The following CHD6 variants were observed in gnomAD, a reference collection of about 807,000 sequenced individuals.
CHD6 encodes the protein ATP-dependent chromatin remodeler CHD6.
A neutral mutation model predicts 276.9 loss-of-function variants in CHD6; 50 were observed. That is an observed-to-expected ratio of 0.18 (90% CI 0.14 to 0.23). The LOEUF is 0.23. CHD6 is among the 10% of genes least tolerant of loss of function. CHD6 has a pLI of 1.00. For synonymous variants in CHD6, 1,173 were observed against 1,229.3 expected (o/e 0.95, Z 0.96); for missense variants, 2,564 against 3,365.8 (o/e 0.76, Z 5.89).
intron 34 of CHD6, 151 bp from the exon 35 acceptor site, chr20:41,413,666 C>T (rs41308727): frequency 0.04 from 23,238 of 582,736 alleles, 561 homozygotes; most frequent in Middle Eastern, 0.058. Context: ...ACCCTACACA[C>T]ACCACTGACC....
intron 17 of CHD6, among the ~76,000 whole-genome samples, chr20:41,458,013 CATT>C (rs1372190828): frequency 6.6e-6 from 1 of 152,146 alleles, no homozygotes; most frequent in East Asian, 1.9e-4. Context: ...ATATTATTAT[CATT>C]GTCACACTTA....
At chr20:41,585,779 CCAAAGA>C (rs2045588178) in intron 1 of CHD6, among the ~76,000 whole-genome samples, 1 of 152,114 alleles carries the variant, frequency 6.6e-6, no homozygotes, top group Non-Finnish European at 1.5e-5. Context: ...AAACCATCAA[CCAAAGA>C]CAAAGATCAA....
At chr20:41,480,857 T>C (rs978900923) in intron 16 of CHD6, among the ~76,000 whole-genome samples, 13 of 152,112 alleles carry the variant, frequency 8.5e-5, no homozygotes, top group Admixed American at 2.0e-4. Context: ...CATACAACTT[T>C]AATGAAAATA....
rs1600949199 is a variant in CHD6 at position 41,473,196 on chromosome 20, A to T, written c.2664+126T>A. 3 of 830,934 alleles carry T rather than the reference A, an allele frequency of 3.6e-6. 1 individual carries two copies. 51.5% of individuals were successfully genotyped at this position (830,934 alleles called of 1,614,324 possible). On this transcript the variant is annotated intron_variant, in intron 17 of 36. Transcript: ENST00000373233. The surrounding 1 kb of genome is among the most constrained non-coding windows in gnomAD (Gnocchi z 4.1). The stretch of plus-strand genomic sequence containing the variant: ...AGTTTCACCCCCTGACCAAGGCCCT[A>T]AGCCTGTCATCCAGCTGACACCATA...
chr20:41,411,851 A>G (rs1445046246), intron 36 of CHD6, among the ~76,000 whole-genome samples: 3 of 152,234 alleles, frequency 2.0e-5, no homozygotes, highest in Non-Finnish European at 2.9e-5. Context: ...CTTTCCCCTC[A>G]TAACTCTACA....
At chr20:41,449,989 G>A (rs886600738) in intron 23 of CHD6, among the ~76,000 whole-genome samples, 4 of 152,138 alleles carry the variant, frequency 2.6e-5, no homozygotes, top group Non-Finnish European at 5.9e-5. Context: ...ACAACACTTT[G>A]AGTGCTTACT....
chr20:41,483,284 T>C, intron 16 of CHD6, 25 bp downstream of exon 16: 2 of 1,581,752 alleles, frequency 1.3e-6, no homozygotes, highest in Non-Finnish European at 1.7e-6. Flanking sequence ...CATTGTTGAA[T>C]GCAGAGCTTT....
chr20:41,545,622 T>C (rs1032767771), intron 2 of CHD6, among the ~76,000 whole-genome samples: 1 of 152,232 alleles, frequency 6.6e-6, no homozygotes, highest in African/African-American at 2.4e-5. Flanking sequence ...TTATGGATCA[T>C]GATTTAGTGA....
intron 26 of CHD6, among the ~76,000 whole-genome samples, chr20:41,437,749 G>T (rs2047760384): frequency 6.6e-6 from 1 of 152,164 alleles, no homozygotes; most frequent in African/African-American, 2.4e-5. Context: ...TTGGCCCTCT[G>T]GATCTGAGAG....
At chr20:41,595,738 A>C (rs186125071) in intron 1 of CHD6, among the ~76,000 whole-genome samples, 28 of 152,276 alleles carry the variant, frequency 1.8e-4, no homozygotes, top group Non-Finnish European at 3.2e-4. Context: ...AAAAAGCAAC[A>C]AATGATAAAA....
intron 36 of CHD6, 131 bp downstream of exon 36, chr20:41,412,013 G>T: frequency 7.6e-7 from 1 of 1,313,598 alleles, no homozygotes; most frequent in Non-Finnish European, 1.0e-6. Flanking sequence ...TTCCTGTGCT[G>T]GCTTCTAGTC....
chr20:41,441,673 A>AT (rs1405190975), intron 25 of CHD6, among the ~76,000 whole-genome samples: 1 of 151,364 alleles, frequency 6.6e-6, no homozygotes, highest in Non-Finnish European at 1.5e-5. Flanking sequence ...CTAGAGACAG[A>AT]TTCAGTATTT....
chr20:41,496,267 G>A (rs936129637), intron 8 of CHD6, among the ~76,000 whole-genome samples: 1 of 152,154 alleles, frequency 6.6e-6, no homozygotes, highest in South Asian at 2.1e-4. Flanking sequence ...TTCAGAACCA[G>A]AAAGATTCCA....
Position 41,492,253 on chromosome 20 carries a change from T to C in CHD6, c.1315-434A>G, listed in dbSNP as rs555909178. ...AAATGCTTAATAGATGACTGACAAG[T>C]TGAATTAAAAGCAGAAAACAGTATT... On this transcript the variant is annotated intron_variant, in intron 10 of 36. Coordinates refer to ENST00000373233, the MANE Select transcript of CHD6 (RefSeq NM_032221.5). Among the ~76,000 whole-genome samples, 10 of 152,272 alleles carry C rather than the reference T, an allele frequency of 6.6e-5. 1 individual carries two copies. Among genetic ancestry groups the C allele is most frequent in the African/African-American group, 2.4e-4 (10 of 41,550 alleles).
intron 16 of CHD6, chr20:41,482,509 TAA>T: frequency 2.0e-6 from 1 of 509,998 alleles, no homozygotes; most frequent in Non-Finnish European, 3.9e-6. Flanking sequence ...GAACATCTGT[TAA>T]GACACCCGAG....
chr20:41,488,430 G>C lies in CHD6; in HGVS notation c.1855C>G (p.Leu619Val). ...KLLEGLKLMA[L>V]EHKVLLTGTP... ...TGTAAAGAGATGCTAACTCTCACCA[G>C]GGCCATAAGCTTTAGACCCTCCAGA... The change falls in exon 13 of 37, where the codon CTG becomes GTG. Residue 619 changes from leucine to valine, a missense_variant and splice_region_variant. Transcript: ENST00000373233. 2 of 1,609,138 alleles carry C rather than the reference G, an allele frequency of 1.2e-6. No homozygotes were observed. The highest frequency in any genetic ancestry group is 1.7e-6 in the Non-Finnish European group (2 of 1,178,450).
At chr20:41,617,710 G>A (rs2045946963) in intron 1 of CHD6, among the ~76,000 whole-genome samples, 1 of 152,094 alleles carries the variant, frequency 6.6e-6, no homozygotes. Context: ...CAATTTTCGG[G>A]GCGAGTGCGC....
At chr20:41,429,676 C>T (rs1164147267) in intron 27 of CHD6, among the ~76,000 whole-genome samples, 1 of 152,194 alleles carries the variant, frequency 6.6e-6, no homozygotes, top group Non-Finnish European at 1.5e-5. Context: ...CAGTTTTGTT[C>T]TTTGTAGTAC....
intron 1 of CHD6, among the ~76,000 whole-genome samples, chr20:41,563,113 G>A (rs1026985057): frequency 4.6e-5 from 7 of 152,192 alleles, no homozygotes; most frequent in African/African-American, 1.7e-4. Flanking sequence ...TACCCTGCAT[G>A]TGGGTAATAT....
Sources: allele counts gnomAD v4.1 joint callset (sites outside exome capture counted in the v4.1 genomes callset), GRCh38; gene constraint gnomAD v4.1.1; non-coding constraint Gnocchi (gnomAD v3.1); transcripts MANE v1.5; gene names NCBI Gene and HGNC (gene_info 2026-07-23, HGNC 2026-07-21).